Variants in ZFYVE27 observed in about 807,000 individuals in gnomAD.
ZFYVE27 encodes the protein zinc finger FYVE-type containing 27.
A neutral mutation model predicts 52.8 loss-of-function variants in ZFYVE27; 36 were observed. The observed-to-expected ratio is 0.68, with a 90% confidence interval of 0.52 to 0.90. The LOEUF (loss-of-function observed/expected upper bound fraction) is 0.90, where lower values mean the gene tolerates loss of function less well. Among genes scored for constraint, ZFYVE27 ranks in the 40% least tolerant of loss-of-function variants. The probability of loss-of-function intolerance (pLI) is 0.00; values close to 1 mark genes in which losing one functional copy is unlikely to be tolerated. For synonymous variants in ZFYVE27, 223 were observed against 215.6 expected (o/e 1.03, Z -0.30); for missense variants, 450 against 527.2 (o/e 0.85, Z 1.43).
At position 97,754,723 on chromosome 10, in the gene ZFYVE27, G is replaced by A. The variant is rs576592100; in HGVS notation, c.1042+1541G>A. ...TGTGTGATCTCATTTCATCCTTACC[G>A]TAGGTGTGACAGGAGCAGGCAGTTC... On this transcript the variant is annotated intron_variant, in intron 10 of 12. Transcript: ENST00000684270. 2,675 of 1,289,304 alleles carry A rather than the reference G, an allele frequency of 2.1e-3. 6 individuals are homozygous for A. Among genetic ancestry groups the A allele is most frequent in the Non-Finnish European group, 2.3e-3 (2,319 of 988,876 alleles). 79.9% of individuals were successfully genotyped at this position (1,289,304 alleles called of 1,614,324 possible).
rs1315198405 is a variant in ZFYVE27 at position 97,753,034 on chromosome 10, A to G, written c.898-4A>G. 1.9e-6 allele frequency: 3 copies of G among 1,612,750 alleles called. No individual in the cohort carries two copies. The highest frequency in any genetic ancestry group is 2.5e-6 in the Non-Finnish European group (3 of 1,179,562). ...GGCAGGACTGGAAGGAGCTGTTCCC[A>G]CAGGAGGATGATGAGGGCGCCCCGT... On this transcript the variant is annotated splice_polypyrimidine_tract_variant and splice_region_variant and intron_variant, in intron 9 of 12. Transcript: ENST00000684270.
intron 4 of ZFYVE27, among the ~76,000 whole-genome samples, chr10:97,746,995 A>G (rs935691699): frequency 4.6e-5 from 7 of 152,178 alleles, no homozygotes; most frequent in African/African-American, 1.4e-4. Context: ...GTGTCCTAAT[A>G]AAGTTCTTTG....
chr10:97,754,780 T>C lies in ZFYVE27; in HGVS notation c.1042+1598T>C, dbSNP rs938931994. ...GTTCAGAGCAGCCAGATTCCAGCAG[T>C]GCCCGGTAACACTACACACAAGAAG... On this transcript the variant is annotated intron_variant, in intron 10 of 12. Coordinates refer to ENST00000684270, the MANE Select transcript of ZFYVE27 (RefSeq NM_001385875.1). 5 of 1,289,308 alleles carry C rather than the reference T, an allele frequency of 3.9e-6. No individual in the cohort carries two copies. The African/African-American group carries it at 7.6e-5, about 20-fold the overall frequency. The allele number at this position is 1,289,308 out of a possible 1,614,324, so 79.9% of individuals were successfully genotyped here. A position where few individuals can be genotyped will look rare whatever the true frequency, so the allele number is the denominator to read the frequency against.
At chr10:97,752,357 A>G (rs2047215505) in intron 8 of ZFYVE27, among the ~76,000 whole-genome samples, 1 of 152,228 alleles carries the variant, frequency 6.6e-6, no homozygotes. Flanking sequence ...CCATGCAGGC[A>G]TTTGACTTTC....
chr10:97,755,162 C>T (rs1267549126), intron 10 of ZFYVE27, among the ~76,000 whole-genome samples: 1 of 152,234 alleles, frequency 6.6e-6, no homozygotes, highest in Non-Finnish European at 1.5e-5. Context: ...TGCTTCTTTT[C>T]CTAAACTCCT....
At chr10:97,749,418 C>A in intron 5 of ZFYVE27, 56 bp from the exon 6 acceptor site, 1 of 1,385,794 alleles carries the variant, frequency 7.2e-7, no homozygotes, top group Non-Finnish European at 1.0e-6. Context: ...TGCTCCAAAC[C>A]CGTCTCCTTC....
chr10:97,757,717 G>C lies in ZFYVE27; in HGVS notation c.1165G>C (p.Ala389Pro). The C allele has an allele frequency of 6.2e-7, 1 of 1,614,214 alleles. No individual in the cohort carries two copies. Among genetic ancestry groups the C allele is most frequent in the South Asian group, 1.1e-5 (1 of 91,080 alleles). ...CAAGGTGCCCAAGTCCTCCATGGGG[G>C]CCACAGGTGAGTGGTGCAGGTGGTG... Reference protein sequence around the residue: ...SFKVPKSSMGATAPEAQRETV... With the variant: ...SFKVPKSSMGPTAPEAQRETV... Residue 389 changes from alanine to proline, a missense_variant, in exon 12 of 13, where the codon GCC becomes CCC. Ala to Pro is a conservative substitution (Grantham distance 27). Transcript: ENST00000684270.
rs946778 is a variant in ZFYVE27 at position 97,749,700 on chromosome 10, T to G, written c.664+114T>G. The G allele has an allele frequency of 0.69, 586,436 of 846,468 alleles. 205,878 individuals carry two copies. Among genetic ancestry groups the G allele is most frequent in the Non-Finnish European group, 0.73 (361,229 of 495,106 alleles). The allele number at this position is 846,468 out of a possible 1,614,324, so 52.4% of individuals were successfully genotyped here. On this transcript the variant is annotated intron_variant, in intron 6 of 12. Coordinates refer to ENST00000684270, the MANE Select transcript of ZFYVE27 (RefSeq NM_001385875.1). ...CATCAGTTTGCTGTGCTTCCACAAG[T>G]GCAACACCACACTGGGGTCCTCTCT...
intron 4 of ZFYVE27, among the ~76,000 whole-genome samples, chr10:97,747,944 C>T (rs551413712): frequency 2.0e-5 from 3 of 152,232 alleles, no homozygotes; most frequent in African/African-American, 7.2e-5. Context: ...GAGGTGGGTC[C>T]TCTGATCCTC....
chr10:97,747,530 T>C (rs1430104531), intron 4 of ZFYVE27, among the ~76,000 whole-genome samples: 1 of 152,226 alleles, frequency 6.6e-6, no homozygotes, highest in Non-Finnish European at 1.5e-5. Flanking sequence ...TCTTTCTTAC[T>C]ATTATCAGTA....
chr10:97,750,688 A>G (rs1014524143), intron 7 of ZFYVE27, among the ~76,000 whole-genome samples: 3 of 151,914 alleles, frequency 2.0e-5, no homozygotes, highest in African/African-American at 7.3e-5. Flanking sequence ...CAAGTGCTTT[A>G]TAGATAGATA....
intron 10 of ZFYVE27, among the ~76,000 whole-genome samples, chr10:97,755,717 C>A (rs572809282): frequency 6.6e-6 from 1 of 152,058 alleles, no homozygotes; most frequent in Non-Finnish European, 1.5e-5. Context: ...AGAATGAGGG[C>A]AGACTGCAAA....
chr10:97,752,137 C>T (rs1164189753), intron 8 of ZFYVE27, among the ~76,000 whole-genome samples: 1 of 152,188 alleles, frequency 6.6e-6, no homozygotes, highest in East Asian at 1.9e-4. Context: ...AGGTGGTCCT[C>T]AACACCCCCT....
intron 10 of ZFYVE27, among the ~76,000 whole-genome samples, chr10:97,755,590 C>G (rs1036519874): frequency 9.2e-5 from 14 of 152,238 alleles, no homozygotes; most frequent in Non-Finnish European, 1.5e-4. Context: ...ACCCTCATGA[C>G]CCGGTCACCT....
At chr10:97,742,947 A>G (rs2044141661) in intron 2 of ZFYVE27, 147 bp from the exon 3 acceptor site, 1 of 842,320 alleles carries the variant, frequency 1.2e-6, no homozygotes, top group African/African-American at 1.7e-5. Flanking sequence ...TCACCAGTCC[A>G]AGTGAGAGGC....
At position 97,759,528 on chromosome 10, in the gene ZFYVE27, T is replaced by C. The variant is rs2049205854; in HGVS notation, c.*228T>C. On this transcript the variant is annotated 3_prime_UTR_variant, in exon 13 of 13. Transcript: ENST00000684270. Reference sequence around the variant, plus strand: ...CAATCCCTTGAGGGAGAAGAGCCCCTGGAGGGCCTGGCATGTTTGTCCTGC... The same window carrying C: ...CAATCCCTTGAGGGAGAAGAGCCCCCGGAGGGCCTGGCATGTTTGTCCTGC... 1 of 611,140 alleles carries C rather than the reference T, an allele frequency of 1.6e-6. No homozygotes were observed. The highest frequency in any genetic ancestry group is 3.0e-6 in the Non-Finnish European group (1 of 336,228). The allele number at this position is 611,140 out of a possible 1,614,324, so 37.9% of individuals were successfully genotyped here.
At chr10:97,751,881 A>G (rs2047098141) in intron 8 of ZFYVE27, among the ~76,000 whole-genome samples, 1 of 152,232 alleles carries the variant, frequency 6.6e-6, no homozygotes, top group African/African-American at 2.4e-5. Flanking sequence ...TGCATGGCCA[A>G]GTGCTAGGTC....
At chr10:97,741,309 A>G (rs1003507037) in intron 2 of ZFYVE27, among the ~76,000 whole-genome samples, 2 of 152,226 alleles carry the variant, frequency 1.3e-5, no homozygotes, top group African/African-American at 4.8e-5. Context: ...AGACACATGC[A>G]CATGTATGTT....
chr10:97,758,340 T>TTTTA (rs2048929009), intron 12 of ZFYVE27, among the ~76,000 whole-genome samples: 3 of 146,290 alleles, frequency 2.1e-5, no homozygotes, highest in South Asian at 2.1e-4. Context: ...TTTTTTTTTT[T>TTTTA]GAGACGGAGT....
Sources: allele counts gnomAD v4.1 joint callset (sites outside exome capture counted in the v4.1 genomes callset), GRCh38; gene constraint gnomAD v4.1.1; transcripts MANE v1.5; gene names NCBI Gene and HGNC (gene_info 2026-07-23, HGNC 2026-07-21).